Variants in PLCB1 observed in about 807,000 individuals in gnomAD.
PLCB1 encodes the protein 1-phosphatidylinositol 4,5-bisphosphate phosphodiesterase beta-1.
In PLCB1, 46 loss-of-function variants were observed where a neutral mutation model predicts 161.8. The ratio of observed to expected loss-of-function variants is 0.28; its 90% CI spans 0.22 to 0.36. The LOEUF is 0.36. PLCB1 is among the 10% of genes least tolerant of loss of function. The pLI is 1.00. For missense variants in PLCB1, 1,016 were observed against 1,472.5 expected, an observed-to-expected ratio of 0.69 and a Z score of 5.07; for synonymous variants, 517 against 503.7, an observed-to-expected ratio of 1.03 and a Z score of -0.35.
chr20:8,436,548 T>TTTCCTCTTTTTTTTCTCTC (rs1713182941), intron 3 of PLCB1, among the ~76,000 whole-genome samples: 1 of 152,118 alleles, frequency 6.6e-6, no homozygotes, highest in African/African-American at 2.4e-5. Context: ...TTTTTTCTCT[T>TTTCCTCTTTTTTTTCTCTC]TTCCTCTTTT....
chr20:8,154,894 T>C (rs2051543830), intron 2 of PLCB1, among the ~76,000 whole-genome samples: 1 of 152,210 alleles, frequency 6.6e-6, no homozygotes, highest in Non-Finnish European at 1.5e-5. Flanking sequence ...TAACAAAAGA[T>C]GACTTGAAGC....
At chr20:8,532,485 A>C (rs1023840867) in intron 3 of PLCB1, among the ~76,000 whole-genome samples, 2 of 152,112 alleles carry the variant, frequency 1.3e-5, no homozygotes, top group African/African-American at 2.4e-5. Flanking sequence ...TTCACTTTCC[A>C]TTTCCCTGTC....
At chr20:8,726,372 C>A (rs1345881643) in intron 16 of PLCB1, among the ~76,000 whole-genome samples, 1 of 152,046 alleles carries the variant, frequency 6.6e-6, no homozygotes, top group Admixed American at 6.6e-5. Flanking sequence ...CCTCTCTGGC[C>A]TCTATTTTAT....
intron 2 of PLCB1, among the ~76,000 whole-genome samples, chr20:8,170,507 G>GA (rs796675973): frequency 1.5e-4 from 23 of 151,660 alleles, no homozygotes; most frequent in African/African-American, 4.6e-4. Flanking sequence ...AGGTCTGAGT[G>GA]AAAAAAAAGA....
Position 8,744,660 on chromosome 20 carries a change from A to AAAATAAAATAAAATAAAATAAAATAAAAT in PLCB1, c.2523+3089_2523+3090insATAAAATAAAATAAAATAAAATAAAATAA, listed in dbSNP as rs1568582262. Among the ~76,000 whole-genome samples, 261 of 126,228 alleles carry AAAATAAAATAAAATAAAATAAAATAAAAT rather than the reference A, an allele frequency of 2.1e-3. 4 individuals carry two copies. Among genetic ancestry groups the AAAATAAAATAAAATAAAATAAAATAAAAT allele is most frequent in the African/African-American group, 5.7e-3 (205 of 36,038 alleles). The allele number at this position is 126,228 out of a possible 152,430, so 82.8% of individuals were successfully genotyped here. ...TAAAATAAAATAAAATAAAATAAAAAAATAAAATTGTTTGTAAATATTTCC... is the reference window on the plus strand; with the variant it reads ...TAAAATAAAATAAAATAAAATAAAAAAAATAAAATAAAATAAAATAAAATAAAATAATAAAATTGTTTGTAAATATTTCC... On this transcript the variant is annotated intron_variant, in intron 23 of 31. Transcript: ENST00000338037.
At chr20:8,497,056 G>T (rs913044578) in intron 3 of PLCB1, among the ~76,000 whole-genome samples, 1 of 152,132 alleles carries the variant, frequency 6.6e-6, no homozygotes, top group African/African-American at 2.4e-5. Flanking sequence ...AGACTGTTAC[G>T]ATTAGAGTGA....
intron 31 of PLCB1, among the ~76,000 whole-genome samples, chr20:8,796,852 G>A (rs1045469420): frequency 6.6e-6 from 1 of 152,068 alleles, no homozygotes; most frequent in Non-Finnish European, 1.5e-5. Flanking sequence ...TTTGATCATG[G>A]TTCATTTAGA....
At chr20:8,520,217 A>C (rs996527809) in intron 3 of PLCB1, among the ~76,000 whole-genome samples, 9 of 152,218 alleles carry the variant, frequency 5.9e-5, no homozygotes, top group African/African-American at 2.2e-4. Context: ...TAAAAACAAC[A>C]GAAGTAAAGC....
At chr20:8,459,928 T>A (rs1981500538) in intron 3 of PLCB1, among the ~76,000 whole-genome samples, 1 of 152,174 alleles carries the variant, frequency 6.6e-6, no homozygotes, top group Non-Finnish European at 1.5e-5. Flanking sequence ...ATGATAAATA[T>A]CAATATGTGA....
intron 2 of PLCB1, among the ~76,000 whole-genome samples, chr20:8,335,584 CTGG>C (rs1220035377): frequency 6.6e-6 from 1 of 152,144 alleles, no homozygotes; most frequent in African/African-American, 2.4e-5. Context: ...ATGAGTAGAT[CTGG>C]TCCCCACCCG....
At chr20:8,591,246 A>G (rs773977241) in intron 3 of PLCB1, among the ~76,000 whole-genome samples, 2 of 152,282 alleles carry the variant, frequency 1.3e-5, no homozygotes, top group Admixed American at 6.5e-5. Context: ...CTCACTTGCC[A>G]TGTAACCTAA....
intron 31 of PLCB1, among the ~76,000 whole-genome samples, chr20:8,845,968 A>G (rs912941680): frequency 1.3e-5 from 2 of 152,240 alleles, no homozygotes; most frequent in Non-Finnish European, 1.5e-5. Context: ...ATATAATTCC[A>G]TAATCAGGAA....
At chr20:8,543,138 C>T (rs1375684514) in intron 3 of PLCB1, among the ~76,000 whole-genome samples, 1 of 152,068 alleles carries the variant, frequency 6.6e-6, no homozygotes, top group African/African-American at 2.4e-5. Context: ...TCAGAATATC[C>T]TTTAAACAAC....
chr20:8,726,056 G>A (rs989924458), intron 16 of PLCB1, among the ~76,000 whole-genome samples: 1 of 152,066 alleles, frequency 6.6e-6, no homozygotes, highest in Non-Finnish European at 1.5e-5. Context: ...GATTGGAGAA[G>A]GTGAGAAGAT....
chr20:8,553,528 T>A (rs1985840353), intron 3 of PLCB1, among the ~76,000 whole-genome samples: 1 of 152,216 alleles, frequency 6.6e-6, no homozygotes, highest in Non-Finnish European at 1.5e-5. Context: ...ACTTTTCTTG[T>A]ATGTTCCTGT....
At chr20:8,181,588 C>A (rs11906886) in intron 2 of PLCB1, among the ~76,000 whole-genome samples, 3,399 of 152,200 alleles carry the variant, frequency 0.022, 110 homozygotes, top group African/African-American at 0.076. Flanking sequence ...TATATTTTAG[C>A]TGAGTTTCCT....
At chr20:8,281,685 C>CT (rs1006598296) in intron 2 of PLCB1, among the ~76,000 whole-genome samples, 2 of 151,844 alleles carry the variant, frequency 1.3e-5, no homozygotes, top group Middle Eastern at 3.2e-3. Flanking sequence ...TTGCCTTTTA[C>CT]TTTTTTTTGG....
At chr20:8,584,126 A>C (rs1986914627) in intron 3 of PLCB1, among the ~76,000 whole-genome samples, 6 of 152,218 alleles carry the variant, frequency 3.9e-5, no homozygotes, top group Admixed American at 3.9e-4. Context: ...TTATTAATAG[A>C]AATCGCTTTG....
intron 3 of PLCB1, among the ~76,000 whole-genome samples, chr20:8,561,293 A>G (rs970073882): frequency 6.6e-6 from 1 of 152,014 alleles, no homozygotes; most frequent in African/African-American, 2.4e-5. Context: ...AAAATTTAGT[A>G]TCTTTAACTT....
Sources: gnomAD v4.1 joint callset for allele counts (sites outside exome capture counted in the v4.1 genomes callset) on GRCh38, gnomAD v4.1.1 for gene constraint, MANE v1.5 for transcripts, NCBI Gene and HGNC (gene_info 2026-07-23, HGNC 2026-07-21) for gene names.